Variants in CDK6 observed in about 807,000 individuals in gnomAD.
CDK6 encodes the protein cyclin-dependent kinase 6.
CDK6 carries 6 observed loss-of-function variants against 37.1 expected under a neutral mutation model. The observed-to-expected ratio is 0.16, with a 90% CI of 0.09 to 0.32. CDK6 has a LOEUF of 0.32. CDK6 is among the 10% of genes least tolerant of loss of function. The pLI is 1.00. For synonymous variants in CDK6, 160 were observed against 161.3 expected, an observed-to-expected ratio of 0.99 and a Z score of 0.06; for missense variants, 224 against 418.9, an observed-to-expected ratio of 0.53 and a Z score of 4.06.
At chr7:92,640,232 G>A (rs1304396894) in intron 5 of CDK6, among the ~76,000 whole-genome samples, 1 of 152,194 alleles carries the variant, frequency 6.6e-6, no homozygotes, top group East Asian at 1.9e-4. Flanking sequence ...TGTTAAGTGT[G>A]CTAAGTAGCC....
intron 3 of CDK6, among the ~76,000 whole-genome samples, chr7:92,757,494 T>C (rs1799344411): frequency 1.3e-5 from 2 of 152,226 alleles, no homozygotes; most frequent in Non-Finnish European, 2.9e-5. Context: ...TTGTTCATTT[T>C]TATGGCTGCA....
rs1795417739 is a variant in CDK6, at chr7:92,605,937, A to G, written c.*9203T>C. 1 of 233,616 alleles carries G rather than the reference A, an allele frequency of 4.3e-6. No individual in the cohort carries two copies. Among genetic ancestry groups the G allele is most frequent in the Non-Finnish European group, 8.5e-6 (1 of 118,044 alleles). The allele number at this position is 233,616 out of a possible 1,614,324, so 14.5% of individuals were successfully genotyped here. A position where few individuals can be genotyped will look rare whatever the true frequency, so the allele number is the denominator to read the frequency against. On this transcript the variant is annotated 3_prime_UTR_variant, in exon 8 of 8. Coordinates refer to ENST00000424848, the MANE Select transcript of CDK6 (RefSeq NM_001145306.2). ...TACAAAGTCACCTGCCAACATTCTT[A>G]TAAGACTGTGTCCCAGGCAGTGAAT...
At chr7:92,622,452 A>C (rs1301304431) in intron 6 of CDK6, among the ~76,000 whole-genome samples, 1 of 152,204 alleles carries the variant, frequency 6.6e-6, no homozygotes, top group African/African-American at 2.4e-5. Context: ...AGTGCTTACT[A>C]TGTGCCAGGC....
In CDK6 at chr7:92,664,943, G is replaced by A. The variant is rs886554211; in HGVS notation, c.647+6483C>T. 1.1e-4 allele frequency among the ~76,000 whole-genome samples: 17 copies of A among 151,882 alleles called. No individual in the cohort carries two copies. In the South Asian group the frequency reaches 3.1e-3, roughly 28 times the overall value. ...TGGGACTACAGGAGCATGCCACCAC[G>A]CTCAGCTAATTTTTTGTATTTTTAA... On this transcript the variant is annotated intron_variant, in intron 5 of 7. Coordinates refer to ENST00000424848, the MANE Select transcript of CDK6 (RefSeq NM_001145306.2).
At chr7:92,770,952 T>C (rs1246281558) in intron 3 of CDK6, among the ~76,000 whole-genome samples, 2 of 152,018 alleles carry the variant, frequency 1.3e-5, no homozygotes, top group African/African-American at 4.8e-5. Context: ...TGTTAAAATA[T>C]CTGGCCAGGC....
intron 5 of CDK6, among the ~76,000 whole-genome samples, chr7:92,654,346 A>G (rs562981891): frequency 1.3e-5 from 2 of 152,036 alleles, no homozygotes; most frequent in East Asian, 3.9e-4. Context: ...TACCCTATCT[A>G]GTAGTATTTT....
chr7:92,675,132 C>G (rs1385194700), intron 4 of CDK6, among the ~76,000 whole-genome samples: 1 of 152,294 alleles, frequency 6.6e-6, no homozygotes, highest in Admixed American at 6.5e-5. Flanking sequence ...CTGTGCTCAG[C>G]AAGAAACTGG....
chr7:92,771,664 T>C (rs973944934), intron 3 of CDK6, among the ~76,000 whole-genome samples: 1 of 152,200 alleles, frequency 6.6e-6, no homozygotes, highest in Non-Finnish European at 1.5e-5. Context: ...TCATGCCTAA[T>C]TCAATTTTGT....
At chr7:92,781,988 C>A (rs955073996) in intron 2 of CDK6, among the ~76,000 whole-genome samples, 1 of 152,126 alleles carries the variant, frequency 6.6e-6, no homozygotes, top group African/African-American at 2.4e-5. Flanking sequence ...TATTCTCAAC[C>A]AGCACCAAAT....
At position 92,747,941 on chromosome 7, in the gene CDK6, T is replaced by C. The variant is rs146537635; in HGVS notation, c.370-22148A>G. Among the ~76,000 whole-genome samples, 240 of 152,314 alleles carry C rather than the reference T, an allele frequency of 1.6e-3. 1 individual carries two copies. The highest frequency in any genetic ancestry group is 5.1e-3 in the African/African-American group (214 of 41,572). ...TGATGTATTTTAAATACATCAAATA[T>C]TAGAACATTCTAAAAATTACCATTT... is the stretch of plus-strand genomic sequence containing the variant. On this transcript the variant is annotated intron_variant, in intron 3 of 7. Transcript: ENST00000424848.
intron 5 of CDK6, among the ~76,000 whole-genome samples, chr7:92,646,585 A>G (rs1208211101): frequency 6.6e-6 from 1 of 151,712 alleles, no homozygotes; most frequent in Non-Finnish European, 1.5e-5. Context: ...TTTAGTAGAG[A>G]TAGCGTTTCA....
intron 4 of CDK6, among the ~76,000 whole-genome samples, chr7:92,678,943 C>A (rs1198761676): frequency 6.6e-6 from 1 of 152,186 alleles, no homozygotes; most frequent in East Asian, 1.9e-4. Flanking sequence ...AGTCAATGTC[C>A]ATCTCAGGAA....
intron 2 of CDK6, among the ~76,000 whole-genome samples, chr7:92,798,065 T>A (rs1216557573): frequency 6.6e-6 from 1 of 152,220 alleles, no homozygotes; most frequent in Non-Finnish European, 1.5e-5. Flanking sequence ...TCCTGAATGA[T>A]GACTTGACTT....
chr7:92,762,873 G>C (rs529107351), intron 3 of CDK6, among the ~76,000 whole-genome samples: 54 of 152,086 alleles, frequency 3.6e-4, no homozygotes, highest in South Asian at 1.0e-3. Flanking sequence ...GCCCGGCCTA[G>C]AACATCTTAA....
At chr7:92,654,227 T>G (rs1483092156) in intron 5 of CDK6, among the ~76,000 whole-genome samples, 1 of 151,902 alleles carries the variant, frequency 6.6e-6, no homozygotes, top group Non-Finnish European at 1.5e-5. Context: ...GAGTATGTCT[T>G]CTAGCATTCT....
chr7:92,789,248 T>A (rs1800221938), intron 2 of CDK6, among the ~76,000 whole-genome samples: 1 of 152,106 alleles, frequency 6.6e-6, no homozygotes. Flanking sequence ...AAACAAAAGC[T>A]GAGGGAGTTT....
chr7:92,674,610 T>G (rs893689373), intron 4 of CDK6, among the ~76,000 whole-genome samples: 2 of 152,220 alleles, frequency 1.3e-5, no homozygotes, highest in Non-Finnish European at 2.9e-5. Context: ...TTAATATTTC[T>G]AGCTGGAGGA....
At chr7:92,700,897 A>C (rs901500980) in intron 4 of CDK6, among the ~76,000 whole-genome samples, 1 of 152,264 alleles carries the variant, frequency 6.6e-6, no homozygotes, top group African/African-American at 2.4e-5. Context: ...AGGTCTTTAG[A>C]ATATCCACTG....
intron 5 of CDK6, among the ~76,000 whole-genome samples, chr7:92,633,765 T>TA (rs1796108250): frequency 6.6e-6 from 1 of 152,094 alleles, no homozygotes. Flanking sequence ...GGACAAAGAA[T>TA]ATGTGAATGG....
Sources: allele counts gnomAD v4.1 joint callset (sites outside exome capture counted in the v4.1 genomes callset), GRCh38; gene constraint gnomAD v4.1.1; transcripts MANE v1.5; gene names NCBI Gene and HGNC (gene_info 2026-07-23, HGNC 2026-07-21).